Variants in PLEKHA7 observed in about 807,000 individuals in gnomAD.
The protein encoded by PLEKHA7 is pleckstrin homology domain containing A7.
A neutral mutation model predicts 170.0 loss-of-function variants in PLEKHA7; 104 were observed. That is an observed-to-expected ratio of 0.61 (90% CI 0.52 to 0.72). The LOEUF is 0.72. PLEKHA7 is among the 30% of genes least tolerant of loss of function. The pLI is 0.00. For missense variants in PLEKHA7, 1,615 were observed against 1,671.7 expected, an observed-to-expected ratio of 0.97 and a Z score of 0.59; for synonymous variants, 648 against 660.8, an observed-to-expected ratio of 0.98 and a Z score of 0.30.
intron 3 of PLEKHA7, among the ~76,000 whole-genome samples, chr11:16,924,803 G>A (rs1590631551): frequency 6.6e-6 from 1 of 152,162 alleles, no homozygotes; most frequent in Admixed American, 6.5e-5. Context: ...CCTCTCTCCA[G>A]CTTAGACACA....
intron 10 of PLEKHA7, among the ~76,000 whole-genome samples, chr11:16,822,502 GAAAAAAAAAAAAAA>G (rs775136335): frequency 1.1e-4 from 9 of 78,956 alleles, no homozygotes; most frequent in Non-Finnish European, 2.0e-4. Context: ...TTTGGTAGGG[GAAAAAAAAAAAAAA>G]AAAAAAAAAA....
chr11:16,813,421 G>A, intron 12 of PLEKHA7: 1 of 408,334 alleles, frequency 2.4e-6, no homozygotes, highest in East Asian at 4.4e-5. Flanking sequence ...GAGTTTGGCA[G>A]GGAGGATCCT....
At chr11:16,818,985 A>G (rs1476536038) in intron 10 of PLEKHA7, among the ~76,000 whole-genome samples, 1 of 149,132 alleles carries the variant, frequency 6.7e-6, no homozygotes, top group East Asian at 2.0e-4. Context: ...TTGTATTTTT[A>G]GTAGAGACAG....
intron 10 of PLEKHA7, among the ~76,000 whole-genome samples, chr11:16,819,223 G>A (rs1251992614): frequency 6.6e-6 from 1 of 152,132 alleles, no homozygotes; most frequent in Non-Finnish European, 1.5e-5. Flanking sequence ...TCAGCCTCCT[G>A]AGTAGCTGGG....
intron 4 of PLEKHA7, 133 bp downstream of exon 4, chr11:16,870,966 G>C (rs1006692512): frequency 1.7e-6 from 1 of 590,064 alleles, no homozygotes; most frequent in Non-Finnish European, 3.0e-6. Flanking sequence ...TCATATTCCT[G>C]TTTGAATCAA....
chr11:17,006,162 G>A (rs908763442), intron 3 of PLEKHA7, among the ~76,000 whole-genome samples: 7 of 151,872 alleles, frequency 4.6e-5, no homozygotes, highest in Non-Finnish European at 1.0e-4. Context: ...CCTGAGGTCA[G>A]GAGTTCAAGA....
intron 3 of PLEKHA7, among the ~76,000 whole-genome samples, chr11:17,000,007 C>G (rs1864569692): frequency 2.0e-5 from 3 of 152,172 alleles, no homozygotes. Context: ...ATGTGGGAAT[C>G]CTCTCCACTG....
intron 3 of PLEKHA7, among the ~76,000 whole-genome samples, chr11:16,925,742 C>A (rs1468059628): frequency 6.6e-6 from 1 of 152,254 alleles, no homozygotes; most frequent in East Asian, 1.9e-4. Flanking sequence ...GGAGCCCACA[C>A]CCACTTGACA....
In PLEKHA7 at chr11:16,790,801, T is replaced by C; in HGVS notation, c.3049A>G (p.Arg1017Gly). 1 of 1,608,688 alleles carries C rather than the reference T, an allele frequency of 6.2e-7. No homozygotes were observed. Among genetic ancestry groups the C allele is most frequent in the South Asian group, 1.1e-5 (1 of 90,058 alleles). ...TCCAGGGAGGGCCCTGCCTTACCTC[T>C]GCCTGGCAGCGTCTGGTACCTGCTC... ...PESRYQTLPG[R>G]GLSGSTSRLQ... Residue 1017 changes from arginine (R) to glycine (G), a missense_variant, in exon 21 of 27, where the codon AGA becomes GGA. Coordinates refer to ENST00000531066, the MANE Select transcript of PLEKHA7 (RefSeq NM_001329630.2).
chr11:16,834,113 C>T (rs886263058), intron 9 of PLEKHA7, among the ~76,000 whole-genome samples: 10 of 152,132 alleles, frequency 6.6e-5, no homozygotes, highest in African/African-American at 1.7e-4. Context: ...CGGGTTCAAG[C>T]GGTTCTCCTG....
chr11:16,900,845 TTTTTA>T (rs1214236129), intron 3 of PLEKHA7, among the ~76,000 whole-genome samples: 1 of 151,876 alleles, frequency 6.6e-6, no homozygotes, highest in Non-Finnish European at 1.5e-5. Flanking sequence ...AAGTCATGAT[TTTTTA>T]TTTTTTTTTT....
At chr11:16,855,977 G>T in intron 4 of PLEKHA7, 63 bp from the exon 5 acceptor site, 1 of 1,352,158 alleles carries the variant, frequency 7.4e-7, no homozygotes, top group Admixed American at 1.7e-5. Flanking sequence ...AGTGCAGTAA[G>T]ATCAGTTCCA....
intron 17 of PLEKHA7, among the ~76,000 whole-genome samples, chr11:16,798,958 A>G (rs1278724704): frequency 6.6e-6 from 1 of 152,250 alleles, no homozygotes; most frequent in Non-Finnish European, 1.5e-5. Context: ...ATGAAATAGT[A>G]TGTAACAGTC....
intron 8 of PLEKHA7, among the ~76,000 whole-genome samples, chr11:16,845,342 T>C (rs1177703932): frequency 6.6e-6 from 1 of 151,248 alleles, no homozygotes; most frequent in Non-Finnish European, 1.5e-5. Flanking sequence ...TATTAAAGAG[T>C]GTTTTGTTTT....
chr11:16,990,006 C>A (rs1004017379), intron 3 of PLEKHA7, among the ~76,000 whole-genome samples: 2 of 152,062 alleles, frequency 1.3e-5, no homozygotes, highest in East Asian at 3.9e-4. Flanking sequence ...CTCCATTGCT[C>A]CTGGAGACTA....
intron 7 of PLEKHA7, among the ~76,000 whole-genome samples, chr11:16,851,983 A>G (rs1335162875): frequency 2.0e-5 from 3 of 152,234 alleles, no homozygotes; most frequent in African/African-American, 4.8e-5. Context: ...GGCCAATTCA[A>G]TTCACCAGTT....
chr11:16,914,499 A>C (rs35005405), intron 3 of PLEKHA7, among the ~76,000 whole-genome samples: 17,960 of 152,180 alleles, frequency 0.12, 1,262 homozygotes, highest in Admixed American at 0.17. Flanking sequence ...ACTGATCAGC[A>C]TCTCCTTCCA....
At position 16,851,268 on chromosome 11, in the gene PLEKHA7, C is replaced by G. The variant is rs1234684377; in HGVS notation, c.619G>C (p.Gly207Arg). The change falls in exon 8 of 27, where the codon GGG (glycine) becomes CGG (arginine). Residue 207 changes from glycine (G) to arginine (R), a missense_variant. Transcript: ENST00000531066. Reference protein sequence around the residue: ...YKDSREEAVLGSIPLPSYVIS... With the variant: ...YKDSREEAVLRSIPLPSYVIS... ...ACGTAGCTGGGCAAGGGGATGCTCC[C>G]GAGGACCGCTTCTTCTCGGCTGTCT... is the stretch of plus-strand genomic sequence containing the variant. 1.2e-5 allele frequency: 19 copies of G among 1,611,086 alleles called. No individual in the cohort carries two copies. Among genetic ancestry groups the G allele is most frequent in the Non-Finnish European group, 1.6e-5 (19 of 1,178,544 alleles).
chr11:16,843,711 G>A (rs1263853323), intron 8 of PLEKHA7, among the ~76,000 whole-genome samples: 7 of 152,148 alleles, frequency 4.6e-5, no homozygotes, highest in East Asian at 3.9e-4. Context: ...AAGCCAAGGC[G>A]GGTAGATCAC....
Sources: allele counts gnomAD v4.1 joint callset (sites outside exome capture counted in the v4.1 genomes callset), GRCh38; gene constraint gnomAD v4.1.1; transcripts MANE v1.5; gene names NCBI Gene and HGNC (gene_info 2026-07-23, HGNC 2026-07-21).